LYST: variants seen among roughly 807,000 people sequenced by gnomAD.
LYST encodes lysosomal trafficking regulator.
In LYST, 192 loss-of-function variants were observed where a neutral mutation model predicts 413.6. The ratio of observed to expected loss-of-function variants is 0.46; its 90% confidence interval spans 0.41 to 0.52. The LOEUF is 0.52. Ranked by LOEUF, LYST falls within the 20% of genes least tolerant of loss-of-function variation. The probability of loss-of-function intolerance (pLI) is 0.00; values close to 1 mark genes in which losing one functional copy is unlikely to be tolerated. For synonymous variants in LYST, 1,525 were observed against 1,567.3 expected, an observed-to-expected ratio of 0.97 and a Z score of 0.64; for missense variants, 3,815 against 4,499.9, an observed-to-expected ratio of 0.85 and a Z score of 4.35.
In LYST at chr1:235,664,407, T is replaced by C. The variant is rs1008446282; in HGVS notation, c.11195+58A>G. 4.6e-6 allele frequency: 7 copies of C among 1,522,940 alleles called. No individual in the cohort carries two copies. Among genetic ancestry groups the C allele is most frequent in the South Asian group, 1.1e-5 (1 of 89,060 alleles). The allele number at this position is 1,522,940 out of a possible 1,614,324, so 94.3% of individuals were successfully genotyped here. ...TGCCTAGATATTAAAAATTAATTTC[T>C]GAAACTCCTGTGTCCTTATGAATGA... On this transcript the variant is annotated intron_variant, in intron 51 of 52. Transcript: ENST00000389793. This position sits in a 1 kb window ranked among gnomAD's most constrained non-coding sequence, Gnocchi z 4.5.
rs760815034 is a variant in LYST at position 235,702,835 on chromosome 1, A to G, written c.10286T>C (p.Ile3429Thr). 4 of 1,614,224 alleles carry G rather than the reference A, an allele frequency of 2.5e-6. No individual in the cohort carries two copies. The highest frequency in any genetic ancestry group is 4.5e-5 in the East Asian group (2 of 44,880). Residue 3429 changes from isoleucine to threonine, a missense_variant, in exon 45 of 53, where the codon ATT becomes ACT. This residue lies in a region of LYST where 866 missense variants were observed against 1,156.0 expected (regional missense o/e 0.75). Coordinates refer to ENST00000389793, the MANE Select transcript of LYST (RefSeq NM_000081.4). ...HVSRPGAKLN[I>T]EGELPAAVGL... ...CACAGCAGCTGGAAGCTCTCCTTCAATATTGAGCTTGGCTCCAGGTCTGCT... is the reference window on the plus strand; with the variant it reads ...CACAGCAGCTGGAAGCTCTCCTTCAGTATTGAGCTTGGCTCCAGGTCTGCT...
intron 24 of LYST, among the ~76,000 whole-genome samples, chr1:235,756,071 A>C (rs573872678): frequency 1.8e-4 from 27 of 148,440 alleles, no homozygotes; most frequent in African/African-American, 6.5e-4. Flanking sequence ...CTGTATCTAT[A>C]TCTATCCTAG....
chr1:235,732,164 T>C (rs73126558), intron 34 of LYST, among the ~76,000 whole-genome samples: 2,402 of 152,300 alleles, frequency 0.016, 64 homozygotes, highest in African/African-American at 0.054. Flanking sequence ...AGTATTATCT[T>C]TATCTCATCA....
intron 40 of LYST, among the ~76,000 whole-genome samples, chr1:235,720,282 G>A (rs568374907): frequency 7.0e-6 from 1 of 143,376 alleles, no homozygotes; most frequent in African/African-American, 2.6e-5. Flanking sequence ...ACTATAAAAA[G>A]CTATCTTTGA....
intron 19 of LYST, among the ~76,000 whole-genome samples, chr1:235,770,763 G>A (rs1668583481): frequency 6.6e-6 from 1 of 152,110 alleles, no homozygotes; most frequent in African/African-American, 2.4e-5. Flanking sequence ...TGAAAATTCT[G>A]CAATTTTAGA....
chr1:235,877,688 G>T (rs1011864899), intron 1 of LYST, among the ~76,000 whole-genome samples: 1 of 152,090 alleles, frequency 6.6e-6, no homozygotes, highest in Non-Finnish European at 1.5e-5. Context: ...TTACAAGCGT[G>T]AGCCACCGCG....
chr1:235,746,052 C>A (rs1241399162), intron 29 of LYST, among the ~76,000 whole-genome samples: 1 of 152,124 alleles, frequency 6.6e-6, no homozygotes, highest in Non-Finnish European at 1.5e-5. Context: ...GGGTCTCTCT[C>A]TGTATTATTC....
At chr1:235,814,401 A>G (rs1044320656) in intron 3 of LYST, among the ~76,000 whole-genome samples, 2 of 152,220 alleles carry the variant, frequency 1.3e-5, no homozygotes, top group African/African-American at 4.8e-5. Context: ...AGAATATAGA[A>G]TGACAATAGA....
At chr1:235,733,376 A>C in intron 34 of LYST, 127 bp downstream of exon 34, 1 of 814,860 alleles carries the variant, frequency 1.2e-6, no homozygotes, top group South Asian at 1.6e-5. Flanking sequence ...AACATCACAA[A>C]TGATTAAACA....
chr1:235,808,005 C>A lies in LYST; in HGVS notation c.2363+450G>T, dbSNP rs549070498. On this transcript the variant is annotated intron_variant, in intron 5 of 52. Coordinates refer to ENST00000389793, the MANE Select transcript of LYST (RefSeq NM_000081.4). ...GATATTATAATCATTTTCTCATATT[C>A]CAATATGATCTTTGTAAACATTTTC... is the stretch of plus-strand genomic sequence containing the variant. 1.6e-4 allele frequency among the ~76,000 whole-genome samples: 24 copies of A among 152,080 alleles called. No individual in the cohort carries two copies. In the South Asian group the frequency reaches 1.9e-3, roughly 12 times the overall value.
At chr1:235,861,545 T>A (rs1370754494) in intron 1 of LYST, among the ~76,000 whole-genome samples, 1 of 152,248 alleles carries the variant, frequency 6.6e-6, no homozygotes, top group Non-Finnish European at 1.5e-5. Flanking sequence ...CAGATTTTTA[T>A]ACATTTTTAA....
rs1002232160 is a variant in LYST, at chr1:235,661,307, T to G, written c.*1633A>C. 5 of 152,640 alleles carry G rather than the reference T, an allele frequency of 3.3e-5. No homozygotes were observed. Among genetic ancestry groups the G allele is most frequent in the Admixed American group, 3.3e-4 (5 of 15,286 alleles). The allele number at this position is 152,640 out of a possible 1,614,324, so 9.5% of individuals were successfully genotyped here. A position where few individuals can be genotyped will look rare whatever the true frequency, so the allele number is the denominator to read the frequency against. On this transcript the variant is annotated 3_prime_UTR_variant, in exon 53 of 53. Coordinates refer to ENST00000389793, the MANE Select transcript of LYST (RefSeq NM_000081.4). ...ATGAAATTCGGTTTTTAAAAAAAGA[T>G]GAGTAGCAACCCTATTCTAATAGGG...
In LYST at chr1:235,662,677, A is replaced by G. The variant is rs184877695; in HGVS notation, c.*263T>C. 1 of 475,730 alleles carries G rather than the reference A, an allele frequency of 2.1e-6. No individual in the cohort carries two copies. Among genetic ancestry groups the G allele is most frequent in the East Asian group, 4.0e-5 (1 of 24,716 alleles). 29.5% of individuals were successfully genotyped at this position (475,730 alleles called of 1,614,324 possible). The stretch of plus-strand genomic sequence containing the variant: ...GGTGGGAAAAAATTTTAAGAATATC[A>G]TTTTAATGTACCATGCGAGGCTTAA... On this transcript the variant is annotated 3_prime_UTR_variant, in exon 53 of 53. Transcript: ENST00000389793.
rs1025412740 is a variant in LYST at position 235,827,555 on chromosome 1, A to G, written c.192+2671T>C. The G allele has an allele frequency of 1.1e-5, 11 of 978,112 alleles. No homozygotes were observed. The African/African-American group carries it at 1.9e-4, about 17-fold the overall frequency. The allele number at this position is 978,112 out of a possible 1,614,324, so 60.6% of individuals were successfully genotyped here. A position where few individuals can be genotyped will look rare whatever the true frequency, so the allele number is the denominator to read the frequency against. On this transcript the variant is annotated intron_variant, in intron 3 of 52. Transcript: ENST00000389793. ...ATTTCATCTTAAATGATAAAATATC[A>G]TTCAATTAATTCCCCTTAAAAACTC...
chr1:235,664,511 C>A lies in LYST; in HGVS notation c.11149G>T (p.Val3717Leu). ...CCCCCAGCGATTACATTGATAGATA[C>A]TCCCTCAGGCTGGTTGGAGAAAGCC... The part of the protein sequence containing the change: ...SVAFSNQPEG[V>L]SINVIAGGLE... The change falls in exon 51 of 53, where the codon GTA (valine) becomes TTA (leucine). Residue 3717 changes from valine to leucine, a missense_variant. Transcript: ENST00000389793. This position sits in a 1 kb window ranked among gnomAD's most constrained non-coding sequence, Gnocchi z 4.5. The A allele has an allele frequency of 6.2e-7, 1 of 1,614,160 alleles. No homozygotes were observed. Among genetic ancestry groups the A allele is most frequent in the African/African-American group, 1.3e-5 (1 of 75,062 alleles).
At chr1:235,691,207 C>T (rs973480901) in intron 47 of LYST, among the ~76,000 whole-genome samples, 4 of 152,162 alleles carry the variant, frequency 2.6e-5, no homozygotes, top group Admixed American at 2.6e-4. Context: ...CTTGAGCCAC[C>T]GCGCCTGGCT....
chr1:235,769,892 T>A (rs1335000607), intron 20 of LYST, among the ~76,000 whole-genome samples: 2 of 152,164 alleles, frequency 1.3e-5, no homozygotes, highest in Non-Finnish European at 2.9e-5. Context: ...AAAACTATTA[T>A]TCTATCCCAA....
At chr1:235,879,308 T>C (rs1681272550) in intron 1 of LYST, among the ~76,000 whole-genome samples, 1 of 152,260 alleles carries the variant, frequency 6.6e-6, no homozygotes, top group East Asian at 1.9e-4. Context: ...TTCTGACCAG[T>C]TGAAGGCAGG....
Position 235,746,478 on chromosome 1 carries a change from C to T in LYST, c.7830G>A (p.Met2610Ile), listed in dbSNP as rs944339670. The T allele has an allele frequency of 2.5e-6, 4 of 1,613,804 alleles. 1 individual carries two copies. In the South Asian group the frequency reaches 4.4e-5, roughly 18 times the overall value. Residue 2610 changes from methionine (M) to isoleucine (I), a missense_variant, in exon 29 of 53, where the codon ATG becomes ATA. This residue lies in a region of LYST where 771 missense variants were observed against 837.1 expected (regional missense o/e 0.92). Transcript: ENST00000389793. ...LAQTESLLMK[M>I]RSVANDELHV... The stretch of plus-strand genomic sequence containing the variant: ...GAAGCTCATCATTTGCCACTGAACG[C>T]ATTTTCATCAGAAGCGATTCAGTTT...
Sources: gnomAD v4.1 joint callset for allele counts (sites outside exome capture counted in the v4.1 genomes callset) on GRCh38, gnomAD v4.1.1 for gene constraint, gnomAD v4.1.1 regional missense constraint, Gnocchi (gnomAD v3.1) non-coding constraint, MANE v1.5 for transcripts, NCBI Gene and HGNC (gene_info 2026-07-23, HGNC 2026-07-21) for gene names.